Variants in TYW1B observed in about 807,000 individuals in gnomAD.
TYW1B encodes the protein tRNA-yW synthesizing protein 1 homolog B, also known as S-adenosyl-L-methionine-dependent tRNA 4-demethylwyosine synthase TYW1B.
A neutral mutation model predicts 86.9 loss-of-function variants in TYW1B; 73 were observed. The ratio of observed to expected loss-of-function variants is 0.84; its 90% CI spans 0.70 to 1.02. The LOEUF (loss-of-function observed/expected upper bound fraction) is 1.02. Ranked by LOEUF, TYW1B falls within the 50% of genes least tolerant of loss-of-function variation. The pLI is 0.00. For missense variants in TYW1B, 637 were observed against 827.4 expected, an observed-to-expected ratio of 0.77 and a Z score of 2.82; for synonymous variants, 248 against 292.8, an observed-to-expected ratio of 0.85 and a Z score of 1.56.
chr7:72,701,668 C>T lies in TYW1B; in HGVS notation c.1371-6846G>A, dbSNP rs182540690. On this transcript the variant is annotated intron_variant, in intron 10 of 13. Transcript: ENST00000620995. ...TTGGTTTTGGGCATATTGTTTCATTCATTTCTTGGTTTTCTTTTTTGCTGT... is the reference window on the plus strand; with the variant it reads ...TTGGTTTTGGGCATATTGTTTCATTTATTTCTTGGTTTTCTTTTTTGCTGT... Among the ~76,000 whole-genome samples the T allele has an allele frequency of 4.6e-5, 7 of 152,202 alleles. No homozygotes were observed. In the East Asian group the frequency reaches 1.3e-3, roughly 29 times the overall value.
intron 11 of TYW1B, among the ~76,000 whole-genome samples, chr7:72,690,822 G>A (rs1419005717): frequency 2.6e-5 from 4 of 151,398 alleles, no homozygotes; most frequent in South Asian, 2.1e-4. Context: ...ATCTCGGCTC[G>A]CTACAACCTC....
intron 13 of TYW1B, among the ~76,000 whole-genome samples, chr7:72,609,165 T>C (rs6975116): frequency 0.1 from 15,899 of 152,202 alleles, 911 homozygotes; most frequent in Non-Finnish European, 0.11. Flanking sequence ...TGGTATTCAG[T>C]TTTCTTTTGT....
chr7:72,601,783 A>C (rs1211386074), intron 13 of TYW1B, among the ~76,000 whole-genome samples: 2 of 152,048 alleles, frequency 1.3e-5, no homozygotes, highest in African/African-American at 4.8e-5. Context: ...AAAAAAAAGA[A>C]AGAAGCCAGT....
intron 11 of TYW1B, among the ~76,000 whole-genome samples, chr7:72,661,704 T>A (rs1813333752): frequency 1.3e-5 from 2 of 151,938 alleles, no homozygotes; most frequent in South Asian, 2.1e-4. Context: ...TTAAAGAGCT[T>A]AATTCTTCAA....
intron 3 of TYW1B, among the ~76,000 whole-genome samples, chr7:72,812,722 C>CA (rs1293198737): frequency 6.8e-6 from 1 of 146,298 alleles, no homozygotes; most frequent in East Asian, 2.0e-4. Flanking sequence ...TTTTTTGAGA[C>CA]AGAGTCTCAC....
chr7:72,725,574 G>A (rs1470118605), intron 9 of TYW1B, among the ~76,000 whole-genome samples: 1 of 152,170 alleles, frequency 6.6e-6, no homozygotes, highest in East Asian at 1.9e-4. Context: ...TTTCTGTGGA[G>A]GTGTTTTGGA....
chr7:72,677,991 C>T (rs1218767856), intron 11 of TYW1B, among the ~76,000 whole-genome samples: 4 of 152,152 alleles, frequency 2.6e-5, no homozygotes, highest in African/African-American at 7.2e-5. Context: ...CGTGAGCCAC[C>T]GCACCCAGCA....
intron 11 of TYW1B, among the ~76,000 whole-genome samples, chr7:72,631,739 A>AATAT (rs1554439811): frequency 2.0e-5 from 3 of 151,202 alleles, no homozygotes; most frequent in East Asian, 1.9e-4. Flanking sequence ...GTTACCAAAA[A>AATAT]ATATATATAT....
intron 7 of TYW1B, among the ~76,000 whole-genome samples, chr7:72,769,957 G>A (rs1787837241): frequency 6.6e-6 from 1 of 151,912 alleles, no homozygotes; most frequent in Admixed American, 6.6e-5. Flanking sequence ...GCACACGCTT[G>A]TAATCCCACT....
chr7:72,709,503 C>A (rs557909169), intron 10 of TYW1B, among the ~76,000 whole-genome samples: 1 of 151,998 alleles, frequency 6.6e-6, no homozygotes, highest in Non-Finnish European at 1.5e-5. Flanking sequence ...CCTGTCTCTA[C>A]TAAAAATACA....
chr7:72,820,342 G>C (rs1209196874), intron 2 of TYW1B, among the ~76,000 whole-genome samples: 1 of 152,084 alleles, frequency 6.6e-6, no homozygotes, highest in Non-Finnish European at 1.5e-5. Context: ...ATAAGCGAAG[G>C]AGAAACAAGA....
chr7:72,818,880 C>G (rs1788776401), intron 2 of TYW1B, among the ~76,000 whole-genome samples: 1 of 152,148 alleles, frequency 6.6e-6, no homozygotes, highest in African/African-American at 2.4e-5. Flanking sequence ...CTAAACCACT[C>G]ATGCGAAATC....
intron 5 of TYW1B, among the ~76,000 whole-genome samples, chr7:72,802,749 T>C (rs1296399741): frequency 6.6e-6 from 1 of 151,952 alleles, no homozygotes; most frequent in Non-Finnish European, 1.5e-5. Context: ...GCCTCCCAAG[T>C]AGCTAGGATC....
rs1554477867 is a variant in TYW1B at position 72,810,485 on chromosome 7, T to C, written c.418A>G (p.Ser140Gly). 6.2e-7 allele frequency: 1 copy of C among 1,613,204 alleles called. No individual in the cohort carries two copies. Among genetic ancestry groups the C allele is most frequent in the Non-Finnish European group, 8.5e-7 (1 of 1,179,510 alleles). Residue 140 changes from serine (S) to glycine (G), a missense_variant, in exon 4 of 14, where the codon AGC becomes GGC. Ser to Gly is a moderately conservative substitution (Grantham distance 56). Transcript: ENST00000620995. ...TATAGACCTACCTTGTTGAAGTGGC[T>C]AGCATAGGCAGAATTTCCCAGGCCA... ...VFGLGNSAYA[S>G]HFNKVGKNVD...
intron 11 of TYW1B, among the ~76,000 whole-genome samples, chr7:72,637,218 T>C (rs1308770944): frequency 6.6e-6 from 1 of 152,098 alleles, no homozygotes; most frequent in Non-Finnish European, 1.5e-5. Flanking sequence ...GTTCTCCTGA[T>C]GACTGGTATC....
At chr7:72,736,345 C>T (rs1554461012) in intron 8 of TYW1B, among the ~76,000 whole-genome samples, 1 of 152,228 alleles carries the variant, frequency 6.6e-6, no homozygotes, top group Non-Finnish European at 1.5e-5. Context: ...CCAGTATAAG[C>T]ATGCCAGGGC....
chr7:72,598,802 G>C (rs1248114084), intron 13 of TYW1B, among the ~76,000 whole-genome samples: 1 of 152,118 alleles, frequency 6.6e-6, no homozygotes, highest in East Asian at 1.9e-4. Flanking sequence ...GCTACAGCAG[G>C]TGATTTGAAA....
chr7:72,625,216 C>T (rs1812315960), intron 12 of TYW1B, among the ~76,000 whole-genome samples: 1 of 152,084 alleles, frequency 6.6e-6, no homozygotes, highest in Non-Finnish European at 1.5e-5. Flanking sequence ...AATTTTTCAT[C>T]TCCAGAGCTT....
At chr7:72,600,720 G>A (rs1554433542) in intron 13 of TYW1B, among the ~76,000 whole-genome samples, 1 of 152,150 alleles carries the variant, frequency 6.6e-6, no homozygotes, top group African/African-American at 2.4e-5. Context: ...AAATAAGCCA[G>A]GCACAGTGGC....
Sources: gnomAD v4.1 joint callset for allele counts (sites outside exome capture counted in the v4.1 genomes callset) on GRCh38, gnomAD v4.1.1 for gene constraint, MANE v1.5 for transcripts, NCBI Gene and HGNC (gene_info 2026-07-23, HGNC 2026-07-21) for gene names.